Variants in VEPH1 observed in about 807,000 individuals in gnomAD.
The protein encoded by VEPH1 is ventricular zone-expressed PH domain-containing protein homolog 1.
A neutral mutation model predicts 85.2 loss-of-function variants in VEPH1; 80 were observed. That is an observed-to-expected ratio of 0.94 (90% CI 0.78 to 1.13). VEPH1 has a LOEUF of 1.13. Among genes scored for constraint, VEPH1 ranks in the 50% most tolerant of loss-of-function variants. The probability of loss-of-function intolerance (pLI) is 0.00; values close to 1 mark genes in which losing one functional copy is unlikely to be tolerated. For synonymous variants in VEPH1, 297 were observed against 348.0 expected (o/e 0.85, Z 1.63); for missense variants, 955 against 980.5 (o/e 0.97, Z 0.35).
intron 6 of VEPH1, among the ~76,000 whole-genome samples, chr3:157,402,277 C>T (rs4640512): frequency 0.67 from 102,542 of 152,000 alleles, 34,982 homozygotes; most frequent in East Asian, 0.79. Context: ...TATTTACTAG[C>T]CAAGAAGGAG....
At chr3:157,288,114 C>T (rs1445200221) in intron 11 of VEPH1, among the ~76,000 whole-genome samples, 4 of 152,158 alleles carry the variant, frequency 2.6e-5, no homozygotes, top group Non-Finnish European at 5.9e-5. Flanking sequence ...AGGCTTTCCT[C>T]TTATGTAAAT....
chr3:157,342,003 C>T (rs886406194), intron 9 of VEPH1, among the ~76,000 whole-genome samples: 1 of 152,144 alleles, frequency 6.6e-6, no homozygotes, highest in Non-Finnish European at 1.5e-5. Context: ...CCAGGCCTGC[C>T]CTACAAGAGC....
chr3:157,366,735 AAAAC>A (rs1726748542), intron 7 of VEPH1, among the ~76,000 whole-genome samples: 1 of 151,994 alleles, frequency 6.6e-6, no homozygotes, highest in African/African-American at 2.4e-5. Context: ...AACTGTCTCA[AAAAC>A]AACAACAACA....
intron 4 of VEPH1, among the ~76,000 whole-genome samples, chr3:157,458,839 G>C (rs1388185491): frequency 6.6e-6 from 1 of 152,088 alleles, no homozygotes; most frequent in Non-Finnish European, 1.5e-5. Context: ...TCTGCATATA[G>C]ATACCCAGTT....
chr3:157,420,028 T>C (rs1577610997), intron 5 of VEPH1, among the ~76,000 whole-genome samples: 1 of 152,232 alleles, frequency 6.6e-6, no homozygotes, highest in African/African-American at 2.4e-5. Flanking sequence ...TGCAAGGACA[T>C]GGATGGAGCT....
chr3:157,380,676 C>T (rs181384023), intron 7 of VEPH1, among the ~76,000 whole-genome samples: 10 of 152,258 alleles, frequency 6.6e-5, no homozygotes, highest in Admixed American at 5.9e-4. Context: ...TTTTCCATGC[C>T]CCTTGAACTC....
Position 157,470,397 on chromosome 3 carries a change from C to T in VEPH1, c.271G>A (p.Glu91Lys), listed in dbSNP as rs375134322. 1.2e-6 allele frequency: 2 copies of T among 1,613,962 alleles called. No individual in the cohort carries two copies. The highest frequency in any genetic ancestry group is 1.3e-5 in the African/African-American group (1 of 74,904). The change falls in exon 3 of 14, where the codon GAA (glutamate) becomes AAA (lysine). Residue 91 changes from glutamate (E) to lysine (K), a missense_variant. Coordinates refer to ENST00000362010, the MANE Select transcript of VEPH1 (RefSeq NM_001167912.2). ...ALVGLWDSCL[E>K]HNLRPFGKDE... The stretch of plus-strand genomic sequence containing the variant: ...TTCCCAAAGGGTCTCAGGTTATGTT[C>T]CAAGCAGGAGTCCCAGAGCCCCACA...
intron 7 of VEPH1, 63 bp downstream of exon 7, chr3:157,381,093 G>A: frequency 6.5e-7 from 1 of 1,540,360 alleles, no homozygotes. Flanking sequence ...AGGCTTAACT[G>A]TCTGCATTCT....
chr3:157,437,603 T>A, intron 4 of VEPH1: 1 of 1,573,484 alleles, frequency 6.4e-7, no homozygotes, highest in Non-Finnish European at 8.6e-7. Flanking sequence ...CGCATGCTGC[T>A]GCAAGCCACG....
At chr3:157,337,542 G>T (rs1723078911) in intron 9 of VEPH1, among the ~76,000 whole-genome samples, 1 of 152,130 alleles carries the variant, frequency 6.6e-6, no homozygotes, top group East Asian at 1.9e-4. Context: ...AAAAATTCTG[G>T]AAGGAAATAC....
At chr3:157,337,129 A>G (rs1723046926) in intron 9 of VEPH1, among the ~76,000 whole-genome samples, 1 of 150,542 alleles carries the variant, frequency 6.6e-6, no homozygotes, top group African/African-American at 2.4e-5. Flanking sequence ...ATGTATATAA[A>G]TTTATGTATT....
intron 2 of VEPH1, among the ~76,000 whole-genome samples, chr3:157,494,579 A>C (rs1362420578): frequency 1.3e-5 from 2 of 152,216 alleles, no homozygotes; most frequent in Non-Finnish European, 2.9e-5. Context: ...CTGTCTGATC[A>C]CACTGGGGAC....
At chr3:157,299,692 G>T (rs980197807) in intron 11 of VEPH1, among the ~76,000 whole-genome samples, 1 of 120,104 alleles carries the variant, frequency 8.3e-6, no homozygotes, top group Non-Finnish European at 2.0e-5. Context: ...GGGACATGCA[G>T]ACATTAATGG....
At chr3:157,462,642 C>G (rs1475018611) in intron 3 of VEPH1, among the ~76,000 whole-genome samples, 1 of 152,144 alleles carries the variant, frequency 6.6e-6, no homozygotes, top group Admixed American at 6.5e-5. Context: ...GATATCCAGT[C>G]CATAAATCTT....
intron 9 of VEPH1, among the ~76,000 whole-genome samples, chr3:157,340,497 A>G (rs994436038): frequency 2.0e-5 from 3 of 152,238 alleles, no homozygotes; most frequent in Middle Eastern, 3.4e-3. Context: ...GCCATTGATG[A>G]GGCTTGAGTA....
intron 11 of VEPH1, among the ~76,000 whole-genome samples, chr3:157,311,540 C>CA (rs1720111875): frequency 6.6e-6 from 1 of 152,138 alleles, no homozygotes; most frequent in Non-Finnish European, 1.5e-5. Flanking sequence ...TTGCAGATAT[C>CA]AAAGTTTTTT....
At chr3:157,360,329 A>G (rs1378237794) in intron 9 of VEPH1, among the ~76,000 whole-genome samples, 1 of 152,206 alleles carries the variant, frequency 6.6e-6, no homozygotes, top group Non-Finnish European at 1.5e-5. Context: ...TTGCCCAGGA[A>G]ATTCCGAGAG....
intron 11 of VEPH1, among the ~76,000 whole-genome samples, chr3:157,287,890 G>C (rs1209203310): frequency 6.6e-6 from 1 of 152,176 alleles, no homozygotes; most frequent in African/African-American, 2.4e-5. Context: ...GGAAAATAAT[G>C]CATTGAATTA....
chr3:157,344,938 A>G (rs1724033276), intron 9 of VEPH1, among the ~76,000 whole-genome samples: 2 of 152,162 alleles, frequency 1.3e-5, no homozygotes, highest in Admixed American at 1.3e-4. Context: ...GGATTCCCCT[A>G]TTTAATAAAT....
Sources: allele counts gnomAD v4.1 joint callset (sites outside exome capture counted in the v4.1 genomes callset), GRCh38; gene constraint gnomAD v4.1.1; transcripts MANE v1.5; gene names NCBI Gene and HGNC (gene_info 2026-07-23, HGNC 2026-07-21).